TYW1B: variants seen among roughly 807,000 people sequenced by gnomAD.
TYW1B encodes the protein S-adenosyl-L-methionine-dependent tRNA 4-demethylwyosine synthase TYW1B.
A neutral mutation model predicts 86.9 loss-of-function variants in TYW1B; 73 were observed. The ratio of observed to expected loss-of-function variants is 0.84; its 90% CI spans 0.70 to 1.02. The LOEUF is 1.02. Ranked by LOEUF, TYW1B falls within the 50% of genes least tolerant of loss-of-function variation. The probability of loss-of-function intolerance (pLI) is 0.00; values close to 1 mark genes in which losing one functional copy is unlikely to be tolerated. For synonymous variants in TYW1B, 248 were observed against 292.8 expected, an observed-to-expected ratio of 0.85 and a Z score of 1.56; for missense variants, 637 against 827.4, an observed-to-expected ratio of 0.77 and a Z score of 2.82.
chr7:72,743,714 C>A (rs1330190542), intron 8 of TYW1B, among the ~76,000 whole-genome samples: 1 of 151,612 alleles, frequency 6.6e-6, no homozygotes. Flanking sequence ...CGTGGTGATG[C>A]ACACCTGTAG....
At chr7:72,616,540 AT>A (rs1812075942) in intron 13 of TYW1B, 131 bp downstream of exon 13, 1 of 1,394,664 alleles carries the variant, frequency 7.2e-7, no homozygotes, top group Non-Finnish European at 9.8e-7. Context: ...GTGCTTTCTT[AT>A]TTTTGTTTTG....
chr7:72,694,771 T>G lies in TYW1B; in HGVS notation c.1422A>C (p.Lys474Asn), dbSNP rs1814273126. 1 of 1,613,770 alleles carries G rather than the reference T, an allele frequency of 6.2e-7. No individual in the cohort carries two copies. Among genetic ancestry groups the G allele is most frequent in the Admixed American group, 1.7e-5 (1 of 59,932 alleles). ...GGCGGTCGATTTTCTTCAGGCTGTC[T>G]TTGGTACTGGCATCCACACTGACAT... Reference protein sequence around the residue: ...QLYVSVDASTKDSLKKIDRPL... With the variant: ...QLYVSVDASTNDSLKKIDRPL... The change falls in exon 11 of 14, where the codon AAA becomes AAC. Residue 474 changes from lysine (K) to asparagine (N), a missense_variant. Physicochemically the swap from Lys to Asn is moderately conservative, Grantham distance 94. Transcript: ENST00000620995.
At chr7:72,705,691 C>T (rs1219106776) in intron 10 of TYW1B, among the ~76,000 whole-genome samples, 31 of 152,198 alleles carry the variant, frequency 2.0e-4, no homozygotes, top group African/African-American at 7.5e-4. Context: ...ACAAATTTGA[C>T]TCTGAACTCT....
chr7:72,711,278 A>C (rs1310495347), intron 10 of TYW1B, among the ~76,000 whole-genome samples: 6 of 152,096 alleles, frequency 3.9e-5, no homozygotes, highest in Non-Finnish European at 8.8e-5. Context: ...TCTCCCTCCC[A>C]GATAAGCATA....
intron 11 of TYW1B, among the ~76,000 whole-genome samples, chr7:72,673,585 G>A (rs1390362479): frequency 1.3e-5 from 2 of 152,154 alleles, no homozygotes; most frequent in East Asian, 3.8e-4. Flanking sequence ...GTAGAAGGAT[G>A]GTTACCAGAG....
intron 7 of TYW1B, among the ~76,000 whole-genome samples, chr7:72,765,934 A>T (rs1193049930): frequency 1.3e-5 from 2 of 152,204 alleles, no homozygotes; most frequent in Non-Finnish European, 2.9e-5. Flanking sequence ...TTGGAATAAG[A>T]CTTCATATCA....
chr7:72,743,572 A>G (rs6947034), intron 8 of TYW1B, among the ~76,000 whole-genome samples: 104,857 of 151,954 alleles, frequency 0.69, 37,154 homozygotes, highest in Non-Finnish European at 0.77. Context: ...GGCTGGGTGC[A>G]GTGGCTCACA....
intron 9 of TYW1B, among the ~76,000 whole-genome samples, chr7:72,721,606 TCACA>T (rs530269832): frequency 4.0e-5 from 6 of 150,146 alleles, no homozygotes; most frequent in Admixed American, 6.7e-5. Context: ...TATCTCACAC[TCACA>T]CACACACACA....
intron 11 of TYW1B, among the ~76,000 whole-genome samples, chr7:72,642,758 CG>C (rs879995306): frequency 6.6e-6 from 1 of 151,956 alleles, no homozygotes; most frequent in Non-Finnish European, 1.5e-5. Flanking sequence ...AAAATTAGCT[CG>C]GTGTGGTGGA....
At chr7:72,756,399 TA>T (rs1301332544) in intron 7 of TYW1B, among the ~76,000 whole-genome samples, 1 of 151,590 alleles carries the variant, frequency 6.6e-6, no homozygotes, top group African/African-American at 2.4e-5. Flanking sequence ...CATGCCCAGT[TA>T]ATTTTTTTTT....
chr7:72,727,857 C>G (rs1787031204), intron 9 of TYW1B, among the ~76,000 whole-genome samples: 1 of 149,892 alleles, frequency 6.7e-6, no homozygotes, highest in East Asian at 2.0e-4. Flanking sequence ...AAAGCATACT[C>G]TTGCGCTTAC....
At chr7:72,693,583 C>T (rs1386548567) in intron 11 of TYW1B, among the ~76,000 whole-genome samples, 3 of 151,632 alleles carry the variant, frequency 2.0e-5, no homozygotes, top group Non-Finnish European at 2.9e-5. Flanking sequence ...TTGGTAGAGA[C>T]GGGGTTTTGC....
intron 11 of TYW1B, among the ~76,000 whole-genome samples, chr7:72,663,729 A>C (rs1813390963): frequency 1.6e-5 from 2 of 126,296 alleles, no homozygotes. Flanking sequence ...ACGCCACTGC[A>C]CTCCAGCCTG....
At chr7:72,703,102 G>T (rs1814529107) in intron 10 of TYW1B, among the ~76,000 whole-genome samples, 2 of 146,454 alleles carry the variant, frequency 1.4e-5, no homozygotes. Flanking sequence ...TCGGCTCACT[G>T]CAAGCTCTGC....
rs1349751096 is a variant in TYW1B at position 72,628,956 on chromosome 7, C to T, written c.1548G>A (p.Trp516Ter). 6.3e-7 allele frequency: 1 copy of T among 1,590,782 alleles called. No individual in the cohort carries two copies. The change falls in exon 12 of 14, where the codon TGG becomes TGA. Residue 516 changes from tryptophan to a stop codon, truncating the protein, a stop_gained. Coordinates refer to ENST00000620995, the MANE Select transcript of TYW1B (RefSeq NM_001145440.3). LOFTEE classifies it high-confidence loss of function. ...CGTAGGCCTGGAGCTCGTCCACGTT[C>T]CATGCTTTCACGAGCATCAGTCTGT... is the stretch of plus-strand genomic sequence containing the variant. ...TVYRLMLVKAWNVDELQAYAQ... is the reference protein window; with the variant it reads ...TVYRLMLVKA
chr7:72,598,649 G>C (rs1474801175), intron 13 of TYW1B, among the ~76,000 whole-genome samples: 55 of 152,292 alleles, frequency 3.6e-4, no homozygotes, highest in African/African-American at 1.3e-3. Flanking sequence ...TTAATAGCCT[G>C]AGGAGTTATT....
At chr7:72,655,806 T>C (rs1443871912) in intron 11 of TYW1B, among the ~76,000 whole-genome samples, 4 of 152,122 alleles carry the variant, frequency 2.6e-5, no homozygotes, top group Non-Finnish European at 4.4e-5. Context: ...TGTCTGCCCA[T>C]CTGCACACAC....
At chr7:72,784,677 T>C (rs1554472158) in intron 6 of TYW1B, among the ~76,000 whole-genome samples, 2 of 152,120 alleles carry the variant, frequency 1.3e-5, no homozygotes, top group African/African-American at 4.8e-5. Flanking sequence ...TTTGTATTTT[T>C]AGTAGAAATA....
At chr7:72,672,473 AACACACACAC>A (rs57744814) in intron 11 of TYW1B, among the ~76,000 whole-genome samples, 5 of 140,884 alleles carry the variant, frequency 3.5e-5, no homozygotes, top group Non-Finnish European at 6.1e-5. Flanking sequence ...TACACACACA[AACACACACAC>A]ACACACACAC....
Sources: allele counts gnomAD v4.1 joint callset (sites outside exome capture counted in the v4.1 genomes callset), GRCh38; gene constraint gnomAD v4.1.1; transcripts MANE v1.5; gene names NCBI Gene and HGNC (gene_info 2026-07-23, HGNC 2026-07-21).